Variants in PAPLN observed in about 807,000 individuals in gnomAD.
PAPLN encodes the protein papilin, proteoglycan like sulfated glycoprotein, also known as papilin.
Under a neutral mutation model 159.0 loss-of-function variants are expected in PAPLN, and 146 were observed. The observed-to-expected ratio is 0.92, with a 90% CI of 0.80 to 1.05. PAPLN has a LOEUF of 1.05. Among genes scored for constraint, PAPLN ranks in the 50% least tolerant of loss-of-function variants. The pLI is 0.00. For missense variants in PAPLN, 1,720 were observed against 1,743.9 expected (o/e 0.99, Z 0.24); for synonymous variants, 734 against 702.9 (o/e 1.04, Z -0.70).
At chr14:73,256,438 A>G (rs569339444) in intron 14 of PAPLN, among the ~76,000 whole-genome samples, 1 of 150,142 alleles carries the variant, frequency 6.7e-6, no homozygotes, top group South Asian at 2.1e-4. Flanking sequence ...AGGCTGAGGC[A>G]GGAGAATTGC....
Position 73,265,268 on chromosome 14 carries a change from T to C in PAPLN, c.3126-102T>C. Reference sequence around the variant, plus strand: ...GGGATTTTAGGAAGCTGAATCTGGCTGGAGAGGGAGAAGGGGCCACCAGGC... The same window carrying C: ...GGGATTTTAGGAAGCTGAATCTGGCCGGAGAGGGAGAAGGGGCCACCAGGC... On this transcript the variant is annotated intron_variant, in intron 22 of 26. Transcript: ENST00000644200. This position sits in a 1 kb window ranked among gnomAD's most constrained non-coding sequence, Gnocchi z 4.1. 6.7e-7 allele frequency: 1 copy of C among 1,500,926 alleles called. No homozygotes were observed. Among genetic ancestry groups the C allele is most frequent in the Non-Finnish European group, 8.9e-7 (1 of 1,127,852 alleles). The allele number at this position is 1,500,926 out of a possible 1,614,324, so 93.0% of individuals were successfully genotyped here.
chr14:73,236,186 G>C (rs139502499), upstream of PAPLN, among the ~76,000 whole-genome samples: 1 of 151,772 alleles, frequency 6.6e-6, no homozygotes, highest in Non-Finnish European at 1.5e-5. Context: ...GGTAGGCAAA[G>C]AGTGTCTTGG....
At position 73,268,718 on chromosome 14, in the gene PAPLN, C is replaced by G; in HGVS notation, c.3662C>G (p.Ser1221Ter). 6.2e-7 allele frequency: 1 copy of G among 1,609,952 alleles called. No individual in the cohort carries two copies. Reference sequence around the variant, plus strand: ...CGCAGCACCGAGGTGAAGGTGGTCTCACCAGGTAGGAAAGGTCTATATCCG... The same window carrying G: ...CGCAGCACCGAGGTGAAGGTGGTCTGACCAGGTAGGAAAGGTCTATATCCG... ...VSRSTEVKVVSPAPTAQPRDP... is the reference protein window; with the variant it reads ...VSRSTEVKVV The change falls in exon 26 of 27, where the codon TCA (serine) becomes TGA (stop). Residue 1221 changes from serine to a stop codon, truncating the protein, a stop_gained. Transcript: ENST00000644200. LOFTEE classifies it high-confidence loss of function.
At chr14:73,242,749 T>C (rs1001728612) in intron 2 of PAPLN, 1 of 152,052 alleles carries the variant, frequency 6.6e-6, no homozygotes, top group African/African-American at 2.4e-5. Context: ...CTTGAAGGAG[T>C]AGATATTTTA....
At position 73,272,634 on chromosome 14, in the gene PAPLN, C is replaced by T. The variant is rs1566715300; in HGVS notation, c.3807C>T (p.Phe1269=). The part of the protein sequence containing the change: ...SSFCCASCSR[F]QPHAQPIWQ ...TCTGCTGTGCCAGCTGTTCACGTTTCCAGCCTCACGCTCAGCCCATCTGGC... is the reference window on the plus strand; with the variant it reads ...TCTGCTGTGCCAGCTGTTCACGTTTTCAGCCTCACGCTCAGCCCATCTGGC... Residue 1269 remains phenylalanine (F), a synonymous_variant, in exon 27 of 27, where the codon TTC becomes TTT. Coordinates refer to ENST00000644200, the MANE Select transcript of PAPLN (RefSeq NM_001365906.3). 1 of 1,590,022 alleles carries T rather than the reference C, an allele frequency of 6.3e-7. No individual in the cohort carries two copies. Among genetic ancestry groups the T allele is most frequent in the Non-Finnish European group, 8.6e-7 (1 of 1,160,542 alleles).
At chr14:73,264,754 C>G (rs1361563306) in intron 22 of PAPLN, 28 bp downstream of exon 22, 2 of 1,611,080 alleles carry the variant, frequency 1.2e-6, no homozygotes, top group Admixed American at 3.4e-5. Flanking sequence ...CCATCTTGCC[C>G]TCCCCCACGC....
At chr14:73,250,776 G>A in intron 6 of PAPLN, 131 bp from the exon 7 acceptor site, 1 of 1,131,186 alleles carries the variant, frequency 8.8e-7, no homozygotes, top group Non-Finnish European at 1.2e-6. Context: ...TCCCCTGGCT[G>A]GTGGCTGAAT....
chr14:73,269,877 T>G (rs1418351551), intron 26 of PAPLN, among the ~76,000 whole-genome samples: 1 of 152,176 alleles, frequency 6.6e-6, no homozygotes, highest in Non-Finnish European at 1.5e-5. Flanking sequence ...CCTGGCTGCT[T>G]CCTGGCTGCC....
chr14:73,247,797 C>CGTGT (rs869273897), intron 5 of PAPLN, among the ~76,000 whole-genome samples: 442 of 32,470 alleles, frequency 0.014, 12 homozygotes, highest in Non-Finnish European at 0.019. Flanking sequence ...TCTCTTATCC[C>CGTGT]GTGTGTGTGT....
At chr14:73,255,100 G>A (rs1469297710) in intron 14 of PAPLN, 82 bp downstream of exon 14, 17 of 1,510,848 alleles carry the variant, frequency 1.1e-5, no homozygotes, top group Admixed American at 8.0e-5. Flanking sequence ...GTCCTGCCTC[G>A]GGGCCTCTGC....
chr14:73,246,206 G>A, intron 5 of PAPLN, 31 bp downstream of exon 5: 1 of 1,538,494 alleles, frequency 6.5e-7, no homozygotes, highest in Non-Finnish European at 8.7e-7. Context: ...CTCTCTCGGG[G>A]CCTCTTGTAT....
intron 25 of PAPLN, chr14:73,268,295 AG>A: frequency 2.5e-6 from 1 of 404,802 alleles, no homozygotes; most frequent in Non-Finnish European, 4.4e-6. Flanking sequence ...GCTATCTCAC[AG>A]GCACCCCAAA....
At chr14:73,266,461 C>A (rs1347715733) in intron 23 of PAPLN, 40 bp from the exon 24 acceptor site, 4 of 1,608,150 alleles carry the variant, frequency 2.5e-6, no homozygotes, top group Non-Finnish European at 2.5e-6. Flanking sequence ...AGAGGGGAGG[C>A]TCCTTGGGCT....
intron 10 of PAPLN, 52 bp from the exon 11 acceptor site, chr14:73,252,596 CG>C (rs1885412696): frequency 6.3e-7 from 1 of 1,591,196 alleles, no homozygotes; most frequent in African/African-American, 1.3e-5. Context: ...CCAGGGAACG[CG>C]CTTGGTGAAT....
At chr14:73,254,492 C>T (rs777031595) in intron 12 of PAPLN, 21 bp from the exon 13 acceptor site, 2 of 1,612,040 alleles carry the variant, frequency 1.2e-6, no homozygotes, top group Non-Finnish European at 1.7e-6. Flanking sequence ...CGAGCTTCTG[C>T]TGACAGCCTT....
intron 26 of PAPLN, among the ~76,000 whole-genome samples, chr14:73,270,060 T>A (rs2140314410): frequency 6.6e-6 from 1 of 152,346 alleles, no homozygotes; most frequent in South Asian, 2.1e-4. Flanking sequence ...GCTGGAAATG[T>A]TGTCCAGCGG....
intron 11 of PAPLN, 129 bp from the exon 12 acceptor site, chr14:73,253,625 C>A: frequency 1.2e-6 from 1 of 862,262 alleles, no homozygotes; most frequent in Non-Finnish European, 1.8e-6. Context: ...TTTGTTCAGG[C>A]TGGAGGCTCA....
At chr14:73,248,024 GTGTGTT>G (rs1566677361) in intron 5 of PAPLN, among the ~76,000 whole-genome samples, 5 of 88,612 alleles carry the variant, frequency 5.6e-5, no homozygotes, top group South Asian at 3.9e-4. Context: ...GTGTGTGTGT[GTGTGTT>G]GGGATTGTGG....
At chr14:73,237,794 T>C (rs1883125272) in intron 1 of PAPLN, among the ~76,000 whole-genome samples, 5 of 151,866 alleles carry the variant, frequency 3.3e-5, no homozygotes, top group Non-Finnish European at 4.4e-5. Context: ...CCCCCCGGCC[T>C]GGAGGAAAGG....
Sources: allele counts gnomAD v4.1 joint callset (sites outside exome capture counted in the v4.1 genomes callset), GRCh38; gene constraint gnomAD v4.1.1; non-coding constraint Gnocchi (gnomAD v3.1); transcripts MANE v1.5; gene names NCBI Gene and HGNC (gene_info 2026-07-23, HGNC 2026-07-21).